Variants in ATP6V1H observed in about 807,000 individuals in gnomAD.
The protein encoded by ATP6V1H is V-type proton ATPase subunit H.
Under a neutral mutation model 71.7 loss-of-function variants are expected in ATP6V1H, and 39 were observed. The ratio of observed to expected loss-of-function variants is 0.54; its 90% CI spans 0.42 to 0.71. The LOEUF is 0.71. Among genes scored for constraint, ATP6V1H ranks in the 30% least tolerant of loss-of-function variants. The probability of loss-of-function intolerance (pLI) is 0.00; values close to 1 mark genes in which losing one functional copy is unlikely to be tolerated. For synonymous variants in ATP6V1H, 192 were observed against 199.3 expected, an observed-to-expected ratio of 0.96 and a Z score of 0.31; for missense variants, 509 against 594.9, an observed-to-expected ratio of 0.86 and a Z score of 1.50.
intron 9 of ATP6V1H, among the ~76,000 whole-genome samples, chr8:53,781,680 C>A (rs896285132): frequency 1.3e-5 from 2 of 151,974 alleles, no homozygotes; most frequent in African/African-American, 4.8e-5. Flanking sequence ...TTAGGTCTAA[C>A]ATTTAAGTCT....
intron 13 of ATP6V1H, among the ~76,000 whole-genome samples, chr8:53,735,259 G>C (rs1197692685): frequency 6.6e-6 from 1 of 152,138 alleles, no homozygotes; most frequent in Non-Finnish European, 1.5e-5. Context: ...AACTGAAAAA[G>C]CTCGTAAAGT....
chr8:53,786,935 G>T (rs1218998567), intron 9 of ATP6V1H, among the ~76,000 whole-genome samples: 2 of 152,102 alleles, frequency 1.3e-5, no homozygotes, highest in Admixed American at 1.3e-4. Context: ...CTTGTTTTTT[G>T]ATTTTCAATC....
chr8:53,826,512 A>G (rs4737974), intron 4 of ATP6V1H, among the ~76,000 whole-genome samples: 17,628 of 152,106 alleles, frequency 0.12, 1,564 homozygotes, highest in East Asian at 0.45. Context: ...ACACGTAATG[A>G]TTTCTGGCAT....
At chr8:53,741,771 T>C (rs1432072778) in intron 13 of ATP6V1H, among the ~76,000 whole-genome samples, 1 of 152,242 alleles carries the variant, frequency 6.6e-6, no homozygotes, top group Non-Finnish European at 1.5e-5. Flanking sequence ...ATCCCATTCT[T>C]CTTGCACTGA....
intron 7 of ATP6V1H, among the ~76,000 whole-genome samples, chr8:53,802,381 T>G (rs1809940765): frequency 6.6e-6 from 1 of 152,160 alleles, no homozygotes; most frequent in Non-Finnish European, 1.5e-5. Flanking sequence ...TTCATCCTCA[T>G]GAGAAAAACA....
At chr8:53,775,714 T>C (rs1018237730) in intron 9 of ATP6V1H, among the ~76,000 whole-genome samples, 3 of 152,180 alleles carry the variant, frequency 2.0e-5, no homozygotes, top group Non-Finnish European at 4.4e-5. Context: ...ATACAGAGTG[T>C]CGATTGGTGC....
At chr8:53,739,237 CTTGA>C (rs1489015343) in intron 13 of ATP6V1H, among the ~76,000 whole-genome samples, 1 of 152,022 alleles carries the variant, frequency 6.6e-6, no homozygotes, top group Non-Finnish European at 1.5e-5. Context: ...GTTTTGGTAA[CTTGA>C]TTATTATCCT....
intron 9 of ATP6V1H, among the ~76,000 whole-genome samples, chr8:53,783,427 C>A (rs1324706351): frequency 6.6e-6 from 1 of 151,960 alleles, no homozygotes; most frequent in African/African-American, 2.4e-5. Context: ...TTTGATTCTT[C>A]TCTCTTTTCT....
chr8:53,782,216 C>T (rs7388214), intron 9 of ATP6V1H, among the ~76,000 whole-genome samples: 13,038 of 150,976 alleles, frequency 0.086, 859 homozygotes, highest in East Asian at 0.36. Flanking sequence ...TTTTATTTCA[C>T]TGAGCAGTGG....
intron 13 of ATP6V1H, among the ~76,000 whole-genome samples, chr8:53,720,388 A>G (rs1312620495): frequency 3.3e-5 from 5 of 152,200 alleles, no homozygotes; most frequent in African/African-American, 1.2e-4. Context: ...GAAACACTGA[A>G]AAACTGACTT....
At chr8:53,738,793 T>C (rs1358972780) in intron 13 of ATP6V1H, among the ~76,000 whole-genome samples, 1 of 152,216 alleles carries the variant, frequency 6.6e-6, no homozygotes, top group Non-Finnish European at 1.5e-5. Flanking sequence ...CAGTGGTGCA[T>C]ACTGTCCAGA....
At chr8:53,813,303 A>G (rs1810345667) in intron 6 of ATP6V1H, among the ~76,000 whole-genome samples, 2 of 152,196 alleles carry the variant, frequency 1.3e-5, no homozygotes, top group Non-Finnish European at 2.9e-5. Flanking sequence ...CCAAATACAA[A>G]TGGCAATTAG....
At position 53,811,199 on chromosome 8, in the gene ATP6V1H, C is replaced by T; in HGVS notation, c.544G>A (p.Val182Ile). Residue 182 changes from valine (V) to isoleucine (I), a missense_variant, in exon 7 of 14, where the codon GTT (valine) becomes ATT (isoleucine). By Grantham distance (29) the Val-to-Ile change is conservative. Transcript: ENST00000359530. ...GAGACTGTTCCTGTTTCAACAGCAA[C>T]ACCGCTACCACGCAGTTTCTATTAC... ...LSSQKLRGSG[V>I]AVETGTVSSS... 3 of 1,613,388 alleles carry T rather than the reference C, an allele frequency of 1.9e-6. No homozygotes were observed. Among genetic ancestry groups the T allele is most frequent in the East Asian group, 2.2e-5 (1 of 44,808 alleles).
At chr8:53,759,027 CCAG>C (rs1433894202) in intron 11 of ATP6V1H, among the ~76,000 whole-genome samples, 12 of 152,234 alleles carry the variant, frequency 7.9e-5, no homozygotes, top group Admixed American at 7.9e-4. Flanking sequence ...GGTGTACACA[CCAG>C]CAGCATGGGC....
At chr8:53,774,306 CAAAGTGACCCTGGT>C (rs1808785780) in intron 9 of ATP6V1H, among the ~76,000 whole-genome samples, 1 of 152,104 alleles carries the variant, frequency 6.6e-6, no homozygotes, top group South Asian at 2.1e-4. Context: ...ACATAAGAAC[CAAAGTGACCCTGGT>C]AAACTTCGAG....
chr8:53,750,444 G>A (rs551578847), intron 12 of ATP6V1H, among the ~76,000 whole-genome samples: 2 of 152,216 alleles, frequency 1.3e-5, no homozygotes, highest in East Asian at 3.9e-4. Flanking sequence ...ATAGGTTCTT[G>A]GAAACTGACT....
intron 8 of ATP6V1H, among the ~76,000 whole-genome samples, chr8:53,796,424 G>C (rs1809740207): frequency 6.6e-6 from 1 of 151,928 alleles, no homozygotes; most frequent in African/African-American, 2.4e-5. Context: ...GTTACACCAA[G>C]AGACAGAATA....
At chr8:53,736,935 T>C (rs1343084215) in intron 13 of ATP6V1H, among the ~76,000 whole-genome samples, 1 of 152,250 alleles carries the variant, frequency 6.6e-6, no homozygotes, top group Non-Finnish European at 1.5e-5. Context: ...TAACCGCTTG[T>C]ATTATCTATA....
At chr8:53,736,694 A>C (rs566867913) in intron 13 of ATP6V1H, among the ~76,000 whole-genome samples, 1 of 152,340 alleles carries the variant, frequency 6.6e-6, no homozygotes, top group South Asian at 2.1e-4. Context: ...ATCATTATCC[A>C]TCTGTCTTGC....
Sources: gnomAD v4.1 joint callset for allele counts (sites outside exome capture counted in the v4.1 genomes callset) on GRCh38, gnomAD v4.1.1 for gene constraint, MANE v1.5 for transcripts, NCBI Gene and HGNC (gene_info 2026-07-23, HGNC 2026-07-21) for gene names.